Variants in ADGRG6 observed in about 807,000 individuals in gnomAD.
ADGRG6 encodes the protein adhesion G protein-coupled receptor G6.
A neutral mutation model predicts 142.4 loss-of-function variants in ADGRG6; 84 were observed. The observed-to-expected ratio is 0.59, with a 90% CI of 0.49 to 0.71. The LOEUF is 0.71. Ranked by LOEUF, ADGRG6 falls within the 30% of genes least tolerant of loss-of-function variation. ADGRG6 has a pLI of 0.00. For missense variants in ADGRG6, 1,367 were observed against 1,466.6 expected (o/e 0.93, Z 1.11); for synonymous variants, 521 against 520.5 (o/e 1.00, Z -0.01).
At chr6:142,359,773 C>T (rs572810947) in intron 2 of ADGRG6, among the ~76,000 whole-genome samples, 13 of 152,120 alleles carry the variant, frequency 8.5e-5, no homozygotes, top group African/African-American at 2.2e-4. Flanking sequence ...TTATTAAGTG[C>T]GGGGATGTGG....
intron 13 of ADGRG6, 69 bp downstream of exon 13, chr6:142,402,899 C>A: frequency 1.2e-6 from 1 of 809,784 alleles, no homozygotes; most frequent in Non-Finnish European, 1.9e-6. Context: ...TCTCACCTAT[C>A]TGAATACTTT....
intron 22 of ADGRG6, among the ~76,000 whole-genome samples, chr6:142,428,506 T>C (rs1208953567): frequency 6.6e-6 from 1 of 152,168 alleles, no homozygotes; most frequent in African/African-American, 2.4e-5. Flanking sequence ...CACTGCTATA[T>C]AGAACTTCCT....
intron 11 of ADGRG6, 150 bp from the exon 12 acceptor site, chr6:142,401,844 A>G (rs1583097762): frequency 1.9e-6 from 1 of 536,850 alleles, no homozygotes; most frequent in East Asian, 3.1e-5. Flanking sequence ...GAGAATTAAA[A>G]TGGAAAGAGT....
At chr6:142,335,166 A>G (rs1760928609) in intron 2 of ADGRG6, among the ~76,000 whole-genome samples, 1 of 152,222 alleles carries the variant, frequency 6.6e-6, no homozygotes, top group African/African-American at 2.4e-5. Flanking sequence ...GAACCAAGAG[A>G]TCAGAAATAG....
chr6:142,327,997 C>T (rs1778861334), intron 2 of ADGRG6, among the ~76,000 whole-genome samples: 1 of 151,792 alleles, frequency 6.6e-6, no homozygotes, highest in South Asian at 2.1e-4. Flanking sequence ...AATTATTTTT[C>T]CTACGTTACA....
chr6:142,443,560 G>A lies in ADGRG6; in HGVS notation c.*45G>A. 4 of 1,414,496 alleles carry A rather than the reference G, an allele frequency of 2.8e-6. No homozygotes were observed. The highest frequency in any genetic ancestry group is 3.9e-6 in the Non-Finnish European group (4 of 1,013,360). 87.6% of individuals were successfully genotyped at this position (1,414,496 alleles called of 1,614,324 possible). On this transcript the variant is annotated 3_prime_UTR_variant, in exon 25 of 25. Coordinates refer to ENST00000367609, the MANE Select transcript of ADGRG6 (RefSeq NM_198569.3). ...TCAATCTGCAGAAATGTGAAGATTT[G>A]CAAGCAGTGTAAACTGCAACTAGTG...
intron 2 of ADGRG6, among the ~76,000 whole-genome samples, chr6:142,366,565 G>T (rs1209902213): frequency 3.3e-5 from 5 of 151,772 alleles, no homozygotes; most frequent in Admixed American, 3.3e-4. Context: ...TATACTTGTG[G>T]TTACCTTTAG....
At position 142,393,972 on chromosome 6, in the gene ADGRG6, G is replaced by C. The variant is rs1274995321; in HGVS notation, c.1424+14G>C. 1.4e-6 allele frequency: 2 copies of C among 1,472,542 alleles called. No individual in the cohort carries two copies. Among genetic ancestry groups the C allele is most frequent in the Admixed American group, 1.9e-5 (1 of 51,564 alleles). 91.2% of individuals were successfully genotyped at this position (1,472,542 alleles called of 1,614,324 possible). On this transcript the variant is annotated intron_variant, in intron 9 of 24. Coordinates refer to ENST00000367609, the MANE Select transcript of ADGRG6 (RefSeq NM_198569.3). Reference sequence around the variant, plus strand: ...GGATGAGCCAAGGTAACAGGACAAAGTATTGTAAAGAGTATAACATTCTTT... The same window carrying C: ...GGATGAGCCAAGGTAACAGGACAAACTATTGTAAAGAGTATAACATTCTTT...
In ADGRG6 at chr6:142,370,468, A is replaced by G; in HGVS notation, c.744A>G (p.Glu248=). 1 of 1,613,240 alleles carries G rather than the reference A, an allele frequency of 6.2e-7. No homozygotes were observed. Among genetic ancestry groups the G allele is most frequent in the South Asian group, 1.1e-5 (1 of 91,060 alleles). Reference sequence around the variant, plus strand: ...AAGAAAAAGAAGACATTTTTGCAGAAAGCTTTGAACAGCTCTGCCTTGTTT... The same window carrying G: ...AAGAAAAAGAAGACATTTTTGCAGAGAGCTTTGAACAGCTCTGCCTTGTTT... ...PVKEKEDIFA[E]SFEQLCLVWN... is the part of the protein sequence containing the mutation. The change falls in exon 4 of 25, where the codon GAA becomes GAG. Residue 248 remains glutamate (E), a synonymous_variant. Transcript: ENST00000367609.
At chr6:142,407,949 C>T (rs1375519879) in intron 15 of ADGRG6, among the ~76,000 whole-genome samples, 1 of 152,152 alleles carries the variant, frequency 6.6e-6, no homozygotes, top group Non-Finnish European at 1.5e-5. Flanking sequence ...TGGCTCCCAA[C>T]ATTCCCTCAA....
intron 15 of ADGRG6, among the ~76,000 whole-genome samples, chr6:142,407,841 T>G (rs1775884292): frequency 6.6e-6 from 1 of 152,180 alleles, no homozygotes; most frequent in African/African-American, 2.4e-5. Context: ...TTTTATGAGT[T>G]TATATTATTT....
At chr6:142,343,175 T>C (rs1363720256) in intron 2 of ADGRG6, among the ~76,000 whole-genome samples, 2 of 151,808 alleles carry the variant, frequency 1.3e-5, no homozygotes, top group African/African-American at 4.8e-5. Flanking sequence ...TCCTGTTTTT[T>C]TGTTTAATAA....
At chr6:142,406,834 A>G (rs1464203521) in intron 15 of ADGRG6, among the ~76,000 whole-genome samples, 2 of 152,184 alleles carry the variant, frequency 1.3e-5, no homozygotes, top group East Asian at 3.8e-4. Flanking sequence ...GTGTATGACA[A>G]TGTTACCTTA....
chr6:142,414,572 C>T (rs1041491698), intron 18 of ADGRG6, among the ~76,000 whole-genome samples: 6 of 152,156 alleles, frequency 3.9e-5, no homozygotes, highest in African/African-American at 1.4e-4. Context: ...GCCATATAGA[C>T]TACTGTGGTC....
chr6:142,386,299 C>T (rs914468660), intron 6 of ADGRG6, among the ~76,000 whole-genome samples: 1 of 152,066 alleles, frequency 6.6e-6, no homozygotes, highest in African/African-American at 2.4e-5. Context: ...CCAATCTTAC[C>T]ATAGGCTGAT....
intron 1 of ADGRG6, 27 bp from the exon 2 acceptor site, chr6:142,309,517 C>T: frequency 6.6e-7 from 1 of 1,507,024 alleles, no homozygotes; most frequent in Non-Finnish European, 9.2e-7. Context: ...TGTTGAATGT[C>T]CTAATTGCCA....
chr6:142,311,772 CT>C (rs1171591621), intron 2 of ADGRG6, among the ~76,000 whole-genome samples: 1 of 151,920 alleles, frequency 6.6e-6, no homozygotes, highest in Non-Finnish European at 1.5e-5. Flanking sequence ...CTAGAGCCAT[CT>C]CTTGAGTTGC....
intron 4 of ADGRG6, among the ~76,000 whole-genome samples, chr6:142,380,543 A>G (rs1421243510): frequency 1.3e-5 from 2 of 152,062 alleles, no homozygotes; most frequent in Non-Finnish European, 2.9e-5. Flanking sequence ...ATCAGTTTTT[A>G]CTTTACTTTA....
intron 2 of ADGRG6, among the ~76,000 whole-genome samples, chr6:142,318,410 TATATA>T (rs1778346749): frequency 8.3e-6 from 1 of 120,740 alleles, no homozygotes; most frequent in South Asian, 2.2e-4. Context: ...TTTAAATATA[TATATA>T]ATATATTTAT....
Sources: gnomAD v4.1 joint callset for allele counts (sites outside exome capture counted in the v4.1 genomes callset) on GRCh38, gnomAD v4.1.1 for gene constraint, MANE v1.5 for transcripts, NCBI Gene and HGNC (gene_info 2026-07-23, HGNC 2026-07-21) for gene names.